Variants in CD200R1 observed in about 807,000 individuals in gnomAD.
CD200R1 encodes cell surface glycoprotein CD200 receptor 1.
Under a neutral mutation model 38.1 loss-of-function variants are expected in CD200R1, and 30 were observed. The ratio of observed to expected loss-of-function variants is 0.79; its 90% CI spans 0.59 to 1.07. The LOEUF is 1.07. CD200R1 is among the 50% of genes least tolerant of loss of function. The pLI is 0.00. For synonymous variants in CD200R1, 128 were observed against 152.1 expected (o/e 0.84, Z 1.16); for missense variants, 372 against 415.4 (o/e 0.90, Z 0.91).
At chr3:112,951,833 C>G (rs74887268) in intron 1 of CD200R1, among the ~76,000 whole-genome samples, 4,280 of 150,348 alleles carry the variant, frequency 0.028, 191 homozygotes, top group East Asian at 0.21. Flanking sequence ...TGTGTAAGAC[C>G]TGTATACTGA....
chr3:112,939,786 T>C (rs1245785056), intron 2 of CD200R1, among the ~76,000 whole-genome samples: 1 of 87,872 alleles, frequency 1.1e-5, no homozygotes. Context: ...TTAACAAAAA[T>C]AGAAAAAAAA....
chr3:112,933,555 C>T (rs1282694636), intron 2 of CD200R1, among the ~76,000 whole-genome samples: 1 of 152,108 alleles, frequency 6.6e-6, no homozygotes, highest in Admixed American at 6.5e-5. Flanking sequence ...TAGGTATCAA[C>T]ATAGAAACAC....
intron 1 of CD200R1, among the ~76,000 whole-genome samples, chr3:112,963,533 C>T (rs1173629530): frequency 1.3e-5 from 2 of 152,098 alleles, no homozygotes; most frequent in African/African-American, 4.8e-5. Context: ...TTTGCTCCTG[C>T]CCTAGAGATG....
intron 1 of CD200R1, among the ~76,000 whole-genome samples, chr3:112,955,227 T>A (rs1404713436): frequency 6.6e-6 from 1 of 152,180 alleles, no homozygotes; most frequent in Non-Finnish European, 1.5e-5. Context: ...GGATGGAATG[T>A]TCTGTGTATG....
rs529571944 is a variant in CD200R1 at position 112,941,094 on chromosome 3, A to T, written c.136+6762T>A. On this transcript the variant is annotated intron_variant, in intron 2 of 7. Transcript: ENST00000308611. ...ATGTTCTCATTCTATGCAGAAGTTT[A>T]AAAAAAGTTGGTCTCATAGAAGTAA... Among the ~76,000 whole-genome samples, 3 of 151,748 alleles carry T rather than the reference A, an allele frequency of 2.0e-5. No homozygotes were observed. The South Asian group carries it at 6.2e-4, about 31-fold the overall frequency.
At chr3:112,933,872 C>T (rs1035013046) in intron 2 of CD200R1, among the ~76,000 whole-genome samples, 6 of 151,630 alleles carry the variant, frequency 4.0e-5, no homozygotes, top group African/African-American at 9.7e-5. Flanking sequence ...GCATAGAAAA[C>T]GTAGAGGAAA....
chr3:112,941,038 A>C (rs140550752), intron 2 of CD200R1, among the ~76,000 whole-genome samples: 2,689 of 152,002 alleles, frequency 0.018, 29 homozygotes, highest in South Asian at 0.047. Context: ...TGTTGAGTGA[A>C]ATAAGCCAAG....
intron 1 of CD200R1, among the ~76,000 whole-genome samples, chr3:112,957,171 C>A (rs1351514525): frequency 6.6e-6 from 1 of 152,110 alleles, no homozygotes; most frequent in East Asian, 1.9e-4. Flanking sequence ...TTAAAACTGA[C>A]GTCCTCTTCA....
At chr3:112,929,909 T>G (rs1276737072) in intron 3 of CD200R1, among the ~76,000 whole-genome samples, 1 of 152,150 alleles carries the variant, frequency 6.6e-6, no homozygotes, top group Non-Finnish European at 1.5e-5. Flanking sequence ...CAATTAGTGA[T>G]GTGGCTGTCT....
chr3:112,931,962 G>C (rs907636400), intron 2 of CD200R1, among the ~76,000 whole-genome samples: 1 of 152,106 alleles, frequency 6.6e-6, no homozygotes, highest in African/African-American at 2.4e-5. Context: ...CTCTTGCAGG[G>C]AAAACATAAG....
Position 112,931,180 on chromosome 3 carries a change from T to C in CD200R1, c.137-9A>G. 6.4e-7 allele frequency: 1 copy of C among 1,554,030 alleles called. No homozygotes were observed. ...ACATAAACTGCTTGAAGCTAGAAAATATTTAGAGAAGAATAAATGAAATCA... is the reference window on the plus strand; with the variant it reads ...ACATAAACTGCTTGAAGCTAGAAAACATTTAGAGAAGAATAAATGAAATCA... On this transcript the variant is annotated splice_polypyrimidine_tract_variant and intron_variant, in intron 2 of 7. Coordinates refer to ENST00000308611, the MANE Select transcript of CD200R1 (RefSeq NM_138806.4).
intron 4 of CD200R1, 53 bp from the exon 5 acceptor site, chr3:112,929,117 G>A: frequency 6.2e-7 from 1 of 1,612,068 alleles, no homozygotes; most frequent in South Asian, 1.1e-5. Context: ...TAAAGCATAT[G>A]GAATTCAGAG....
chr3:112,970,553 A>T (rs984365081), intron 1 of CD200R1, among the ~76,000 whole-genome samples: 9 of 152,200 alleles, frequency 5.9e-5, no homozygotes, highest in African/African-American at 2.2e-4. Flanking sequence ...TATGTGAGTG[A>T]TAATAAGGCA....
intron 1 of CD200R1, among the ~76,000 whole-genome samples, chr3:112,970,055 G>A (rs1385705956): frequency 1.3e-5 from 2 of 151,928 alleles, no homozygotes; most frequent in Non-Finnish European, 2.9e-5. Flanking sequence ...GTGCACACCT[G>A]TAGTCCCAGC....
intron 1 of CD200R1, among the ~76,000 whole-genome samples, chr3:112,956,886 C>A (rs1190572785): frequency 6.6e-6 from 1 of 152,228 alleles, no homozygotes; most frequent in Admixed American, 6.5e-5. Flanking sequence ...ACCAAGGACA[C>A]TCTAGTCAGC....
chr3:112,969,688 A>G (rs921670374), intron 1 of CD200R1, among the ~76,000 whole-genome samples: 6 of 152,170 alleles, frequency 3.9e-5, no homozygotes, highest in South Asian at 2.1e-4. Flanking sequence ...TCTAAGGCCA[A>G]TCTAGCTCCT....
intron 2 of CD200R1, among the ~76,000 whole-genome samples, chr3:112,947,583 A>C (rs2107323914): frequency 6.6e-6 from 1 of 152,340 alleles, no homozygotes; most frequent in Admixed American, 6.5e-5. Flanking sequence ...CTGCTTATTA[A>C]AAAGTGCTCT....
intron 2 of CD200R1, among the ~76,000 whole-genome samples, chr3:112,932,778 T>C (rs943873799): frequency 6.6e-6 from 1 of 150,662 alleles, no homozygotes; most frequent in African/African-American, 2.4e-5. Context: ...CCAGTGGACA[T>C]CCCCCCCAGG....
rs777125160 is a variant in CD200R1, at chr3:112,928,838, A to C, written c.747T>G (p.Ser249Arg). Residue 249 changes from serine (S) to arginine (R), a missense_variant, in exon 5 of 8, where the codon AGT becomes AGG. By Grantham distance (110) the Ser-to-Arg change is moderately radical. Coordinates refer to ENST00000308611, the MANE Select transcript of CD200R1 (RefSeq NM_138806.4). ...CHVSHLTGNK[S>R]LYIELLPVPG... ...GACCAGGAAGTAGCTCTATGTACAG[A>C]CTCTTGTTGCCAGTCAAATGGGAGA... The C allele has an allele frequency of 1.2e-6, 2 of 1,613,270 alleles. No individual in the cohort carries two copies. The highest frequency in any genetic ancestry group is 1.7e-6 in the Non-Finnish European group (2 of 1,179,708).
Sources: gnomAD v4.1 joint callset for allele counts (sites outside exome capture counted in the v4.1 genomes callset) on GRCh38, gnomAD v4.1.1 for gene constraint, MANE v1.5 for transcripts, NCBI Gene and HGNC (gene_info 2026-07-23, HGNC 2026-07-21) for gene names.